The following NMT1 variants were observed in gnomAD, a reference collection of about 807,000 sequenced individuals.
NMT1 encodes the protein N-myristoyltransferase 1.
NMT1 carries 12 observed loss-of-function variants against 63.4 expected under a neutral mutation model. The observed-to-expected ratio is 0.19, with a 90% CI of 0.12 to 0.31. NMT1 has a LOEUF of 0.31. Among genes scored for constraint, NMT1 ranks in the 10% least tolerant of loss-of-function variants. The pLI is 1.00. For synonymous variants in NMT1, 228 were observed against 234.3 expected, an observed-to-expected ratio of 0.97 and a Z score of 0.25; for missense variants, 432 against 634.6, an observed-to-expected ratio of 0.68 and a Z score of 3.43.
In NMT1 at chr17:45,090,270, C is replaced by T. The variant is rs571557701; in HGVS notation, c.386-3415C>T. Reference sequence around the variant, plus strand: ...CTGCACTCTAGCCTGGGTGACAAAGCGAGTCCCTGTCTCAAAGATTAAAAA... The same window carrying T: ...CTGCACTCTAGCCTGGGTGACAAAGTGAGTCCCTGTCTCAAAGATTAAAAA... On this transcript the variant is annotated intron_variant, in intron 3 of 11. Transcript: ENST00000258960. Among the ~76,000 whole-genome samples the T allele has an allele frequency of 5.9e-5, 9 of 152,104 alleles. No individual in the cohort carries two copies. The South Asian group carries it at 1.7e-3, about 28-fold the overall frequency.
chr17:45,089,539 A>T (rs1388879661), intron 3 of NMT1, among the ~76,000 whole-genome samples: 2 of 152,090 alleles, frequency 1.3e-5, no homozygotes, highest in Admixed American at 1.3e-4. Flanking sequence ...ACAGGGTTTC[A>T]CCATCTTGGC....
chr17:45,102,368 A>C (rs1007438493), intron 8 of NMT1, among the ~76,000 whole-genome samples: 35 of 152,196 alleles, frequency 2.3e-4, no homozygotes, highest in African/African-American at 8.2e-4. Flanking sequence ...GCCGGGTGGG[A>C]CGCTGACTGG....
intron 1 of NMT1, among the ~76,000 whole-genome samples, chr17:45,063,991 C>A (rs1417059530): frequency 6.6e-6 from 1 of 151,906 alleles, no homozygotes; most frequent in Non-Finnish European, 1.5e-5. Context: ...TTGAGACCAT[C>A]CTGGCTAACA....
intron 1 of NMT1, among the ~76,000 whole-genome samples, chr17:45,073,516 A>T (rs1162336729): frequency 6.6e-6 from 1 of 152,080 alleles, no homozygotes; most frequent in Non-Finnish European, 1.5e-5. Context: ...GTTTTAGGAG[A>T]TTATAGTTTT....
Position 45,102,864 on chromosome 17 carries a change from C to T in NMT1, c.994-87C>T, listed in dbSNP as rs1253340730. On this transcript the variant is annotated intron_variant, in intron 8 of 11. Coordinates refer to ENST00000258960, the MANE Select transcript of NMT1 (RefSeq NM_021079.5). Reference sequence around the variant, plus strand: ...GGGAGCCGCCGAATGACCAGGGATTCTCTCTTGAGGGCCTGATCTGTCCTT... The same window carrying T: ...GGGAGCCGCCGAATGACCAGGGATTTTCTCTTGAGGGCCTGATCTGTCCTT... 1.2e-5 allele frequency: 15 copies of T among 1,298,744 alleles called. No individual in the cohort carries two copies. In the Admixed American group the frequency reaches 2.8e-4, roughly 24 times the overall value. The allele number at this position is 1,298,744 out of a possible 1,614,324, so 80.5% of individuals were successfully genotyped here. A position where few individuals can be genotyped will look rare whatever the true frequency, so the allele number is the denominator to read the frequency against.
intron 1 of NMT1, among the ~76,000 whole-genome samples, chr17:45,063,740 A>T (rs977830577): frequency 1.3e-5 from 2 of 152,152 alleles, no homozygotes; most frequent in African/African-American, 4.8e-5. Flanking sequence ...CACTAAAAAT[A>T]CAAAATTTAG....
At chr17:45,084,634 C>CG in intron 2 of NMT1, among the ~76,000 whole-genome samples, 1 of 143,872 alleles carries the variant, frequency 7.0e-6, no homozygotes, top group East Asian at 2.0e-4. Flanking sequence ...CGCCCGGCCA[C>CG]TTTTTTTTTT....
At chr17:45,098,653 C>T in intron 7 of NMT1, 101 bp downstream of exon 7, 1 of 1,123,118 alleles carries the variant, frequency 8.9e-7, no homozygotes, top group Non-Finnish European at 1.3e-6. Context: ...TAGCATCCCA[C>T]CTCTGGCGTA....
intron 1 of NMT1, among the ~76,000 whole-genome samples, chr17:45,066,081 C>G (rs891558044): frequency 1.3e-5 from 2 of 151,920 alleles, no homozygotes; most frequent in Admixed American, 1.3e-4. Context: ...AATTCATGTA[C>G]TGGATTCTGT....
intron 1 of NMT1, among the ~76,000 whole-genome samples, chr17:45,062,633 G>A (rs1466490275): frequency 6.6e-6 from 1 of 152,126 alleles, no homozygotes; most frequent in Non-Finnish European, 1.5e-5. Flanking sequence ...ATAGTTGCCT[G>A]CAGTACTCAG....
At chr17:45,064,720 G>A (rs2053890514) in intron 1 of NMT1, among the ~76,000 whole-genome samples, 1 of 152,188 alleles carries the variant, frequency 6.6e-6, no homozygotes, top group African/African-American at 2.4e-5. Context: ...CTACTTAGGA[G>A]GCTGAGGCAG....
chr17:45,078,320 G>T (rs1720315520), intron 1 of NMT1, among the ~76,000 whole-genome samples: 1 of 152,202 alleles, frequency 6.6e-6, no homozygotes, highest in African/African-American at 2.4e-5. Flanking sequence ...CAGAAAGATT[G>T]TGAAGGCAAA....
intron 3 of NMT1, 70 bp downstream of exon 3, chr17:45,086,722 G>A: frequency 4.1e-6 from 6 of 1,479,290 alleles, no homozygotes; most frequent in Non-Finnish European, 5.4e-6. Flanking sequence ...CTTCATGAGG[G>A]TTTCATGCTG....
intron 1 of NMT1, among the ~76,000 whole-genome samples, chr17:45,079,582 A>C (rs2054000601): frequency 6.6e-6 from 1 of 152,238 alleles, no homozygotes; most frequent in East Asian, 1.9e-4. Context: ...GAGGCTAAGA[A>C]ACTTTTTGCT....
Position 45,086,567 on chromosome 17 carries a change from A to G in NMT1, c.300A>G (p.Ser100=), listed in dbSNP as rs1391388443. 6.2e-7 allele frequency: 1 copy of G among 1,613,744 alleles called. No individual in the cohort carries two copies. Among genetic ancestry groups the G allele is most frequent in the South Asian group, 1.1e-5 (1 of 91,038 alleles). ...QEIQKAIELF[S]VGQGPAKTME... The stretch of plus-strand genomic sequence containing the variant: ...TACAGAAGGCCATTGAGCTGTTCTC[A>G]GTGGGTCAGGGACCTGCCAAAACCA... The change falls in exon 3 of 12, where the codon TCA becomes TCG. Residue 100 remains serine, a synonymous_variant. Coordinates refer to ENST00000258960, the MANE Select transcript of NMT1 (RefSeq NM_021079.5).
At chr17:45,078,655 T>G (rs59695806) in intron 1 of NMT1, among the ~76,000 whole-genome samples, 16 of 151,942 alleles carry the variant, frequency 1.1e-4, no homozygotes, top group Admixed American at 1.1e-3. Flanking sequence ...TTTGGTGTTT[T>G]TTTGTTTGTT....
chr17:45,104,044 T>G lies in NMT1; in HGVS notation c.1332+168T>G. The G allele has an allele frequency of 6.4e-7, 1 of 1,563,176 alleles. No individual in the cohort carries two copies. Among genetic ancestry groups the G allele is most frequent in the Non-Finnish European group, 8.6e-7 (1 of 1,161,914 alleles). On this transcript the variant is annotated intron_variant, in intron 10 of 11. Transcript: ENST00000258960. The surrounding 1 kb of genome is among the most constrained non-coding windows in gnomAD (Gnocchi z 4.2). ...CAGTTTTTAGGCAGAAACTCAAAAC[T>G]TGGAGGGAACAAGGAGCATCCGAAG... is the stretch of plus-strand genomic sequence containing the variant.
In NMT1 at chr17:45,063,061, C is replaced by T. The variant is rs150476167; in HGVS notation, c.131+1601C>T. Among the ~76,000 whole-genome samples, 861 of 151,844 alleles carry T rather than the reference C, an allele frequency of 5.7e-3. 6 individuals are homozygous for T. The highest frequency in any genetic ancestry group is 8.1e-3 in the Admixed American group (123 of 15,198). ...CTACTAAAAATACAAAAAATTTAGC[C>T]GGGCGTGGTGGCGGGCGCCTGTAGT... On this transcript the variant is annotated intron_variant, in intron 1 of 11. Transcript: ENST00000258960.
chr17:45,074,483 T>C (rs1376194904), intron 1 of NMT1, among the ~76,000 whole-genome samples: 1 of 152,198 alleles, frequency 6.6e-6, no homozygotes, highest in African/African-American at 2.4e-5. Context: ...CCTCCCAAAG[T>C]GCTGGTATTA....
Sources: gnomAD v4.1 joint callset for allele counts (sites outside exome capture counted in the v4.1 genomes callset) on GRCh38, gnomAD v4.1.1 for gene constraint, Gnocchi (gnomAD v3.1) non-coding constraint, MANE v1.5 for transcripts, NCBI Gene and HGNC (gene_info 2026-07-23, HGNC 2026-07-21) for gene names.